ACOT7: variants seen among roughly 807,000 people sequenced by gnomAD.
ACOT7 encodes the protein acyl-CoA thioesterase 7.
ACOT7 carries 12 observed loss-of-function variants against 40.2 expected under a neutral mutation model. The observed-to-expected ratio is 0.30, with a 90% CI of 0.19 to 0.48. The LOEUF is 0.48. Ranked by LOEUF, ACOT7 falls within the 20% of genes least tolerant of loss-of-function variation. The pLI is 0.99. For synonymous variants in ACOT7, 228 were observed against 219.5 expected, an observed-to-expected ratio of 1.04 and a Z score of -0.34; for missense variants, 395 against 530.8, an observed-to-expected ratio of 0.74 and a Z score of 2.51.
At chr1:6,290,021 G>T (rs1044904466) in intron 7 of ACOT7, among the ~76,000 whole-genome samples, 1 of 152,198 alleles carries the variant, frequency 6.6e-6, no homozygotes, top group Non-Finnish European at 1.5e-5. Context: ...ATTGTTCTGG[G>T]GTACCCGGGT....
At chr1:6,303,374 C>T (rs1242791035) in intron 6 of ACOT7, among the ~76,000 whole-genome samples, 4 of 151,930 alleles carry the variant, frequency 2.6e-5, no homozygotes, top group Non-Finnish European at 5.9e-5. Context: ...ACGTTAGGTA[C>T]CAAAGGTATT....
intron 6 of ACOT7, among the ~76,000 whole-genome samples, chr1:6,309,040 C>T (rs989928062): frequency 3.3e-5 from 5 of 152,260 alleles, no homozygotes; most frequent in South Asian, 4.1e-4. Flanking sequence ...CAGTCATGTT[C>T]GCCCTGTCGG....
At chr1:6,298,524 C>T (rs1639876203) in intron 6 of ACOT7, among the ~76,000 whole-genome samples, 1 of 152,178 alleles carries the variant, frequency 6.6e-6, no homozygotes, top group Non-Finnish European at 1.5e-5. Context: ...AGAAAGAGTG[C>T]AGGTGAAATA....
In ACOT7 at chr1:6,301,286, C is replaced by T. The variant is rs1487318637; in HGVS notation, c.713-6306G>A. Among the ~76,000 whole-genome samples the T allele has an allele frequency of 6.6e-6, 1 of 152,254 alleles. No homozygotes were observed. Among genetic ancestry groups the T allele is most frequent in the Non-Finnish European group, 1.5e-5 (1 of 68,048 alleles). On this transcript the variant is annotated intron_variant, in intron 6 of 8. Transcript: ENST00000361521. This position sits in a 1 kb window ranked among gnomAD's most constrained non-coding sequence, Gnocchi z 4.1. ...GAGAATAAATGGAAGGAGTTGTAAT[C>T]AGCTCCTTCAAACCGGGGTTTGCCC...
At chr1:6,284,928 C>A (rs1254093256) in intron 7 of ACOT7, among the ~76,000 whole-genome samples, 1 of 152,252 alleles carries the variant, frequency 6.6e-6, no homozygotes, top group Non-Finnish European at 1.5e-5. Context: ...TCGGCTCAAG[C>A]ATCCCTTCTC....
chr1:6,340,160 G>T (rs1395999564), intron 2 of ACOT7, among the ~76,000 whole-genome samples: 1 of 152,076 alleles, frequency 6.6e-6, no homozygotes, highest in Non-Finnish European at 1.5e-5. Context: ...TAGAGACGGG[G>T]TTTCTCCATG....
chr1:6,381,263 A>G (rs1335579090), intron 1 of ACOT7, among the ~76,000 whole-genome samples: 1 of 151,934 alleles, frequency 6.6e-6, no homozygotes, highest in East Asian at 1.9e-4. Context: ...CACATAATAT[A>G]TACACCTATA....
At chr1:6,341,599 G>A (rs898610146) in intron 2 of ACOT7, among the ~76,000 whole-genome samples, 10 of 152,234 alleles carry the variant, frequency 6.6e-5, no homozygotes, top group East Asian at 1.9e-4. Flanking sequence ...AAAATTAGCC[G>A]GGTGTGGTGG....
intron 7 of ACOT7, among the ~76,000 whole-genome samples, chr1:6,290,529 C>T (rs78946170): frequency 0.024 from 3,702 of 152,338 alleles, 139 homozygotes; most frequent in African/African-American, 0.086. Context: ...AGTCTACCTG[C>T]AGGCACCTTT....
chr1:6,281,025 C>T, intron 8 of ACOT7, 77 bp downstream of exon 8: 3 of 1,532,462 alleles, frequency 2.0e-6, no homozygotes, highest in Non-Finnish European at 2.6e-6. Context: ...GGCACAGATT[C>T]CCCCTGGAGG....
At chr1:6,339,116 C>T (rs1046037516) in intron 3 of ACOT7, among the ~76,000 whole-genome samples, 6 of 152,288 alleles carry the variant, frequency 3.9e-5, no homozygotes, top group South Asian at 2.1e-4. Context: ...TCACAGCCCG[C>T]GCCCAGCCCC....
At chr1:6,377,861 G>A (rs1642262893) in intron 1 of ACOT7, among the ~76,000 whole-genome samples, 1 of 152,172 alleles carries the variant, frequency 6.6e-6, no homozygotes, top group African/African-American at 2.4e-5. Context: ...ACAAGGTCAG[G>A]AGATCAAGAC....
At chr1:6,336,867 CGAG>C (rs1264226244) in intron 3 of ACOT7, among the ~76,000 whole-genome samples, 3 of 152,098 alleles carry the variant, frequency 2.0e-5, no homozygotes, top group East Asian at 1.9e-4. Context: ...GAAGCACAGA[CGAG>C]GAGATGAGCG....
In ACOT7 at chr1:6,281,171, G is replaced by A. The variant is rs750203670; in HGVS notation, c.945C>T (p.Ala315=). 6.2e-6 allele frequency: 10 copies of A among 1,614,048 alleles called. No homozygotes were observed. The highest frequency in any genetic ancestry group is 3.3e-5 in the South Asian group (3 of 91,096). Residue 315 remains alanine (A), a synonymous_variant, in exon 8 of 9, where the codon GCC becomes GCT. Coordinates refer to ENST00000361521, the MANE Select transcript of ACOT7 (RefSeq NM_007274.4). ...ACACGTAGGTGAAGAAGGCACTGGC[G>A]GCCCGGTAGCGCTTCTGAGAGCTGT... ...VVDSSQKRYR[A]ASAFFTYVSL... is the part of the protein sequence containing the mutation.
rs1248462145 is a variant in ACOT7, at chr1:6,274,409, G to A, written c.1014+6693C>T. On this transcript the variant is annotated intron_variant, in intron 8 of 8. Coordinates refer to ENST00000361521, the MANE Select transcript of ACOT7 (RefSeq NM_007274.4). This position sits in a 1 kb window ranked among gnomAD's most constrained non-coding sequence, Gnocchi z 5.9. ...GCCTTTCAGCTGACTTAAGCCCTGG[G>A]GCCCATCCCGCCCCTCCAGCTGAAC... Among the ~76,000 whole-genome samples, 1 of 152,178 alleles carries A rather than the reference G, an allele frequency of 6.6e-6. No homozygotes were observed. Among genetic ancestry groups the A allele is most frequent in the Admixed American group, 6.5e-5 (1 of 15,272 alleles).
At chr1:6,333,657 C>T (rs776660649) in intron 3 of ACOT7, 89 bp from the exon 4 acceptor site, 2 of 1,315,872 alleles carry the variant, frequency 1.5e-6, no homozygotes, top group East Asian at 4.7e-5. Context: ...TGCTCCAGCG[C>T]CCGGTCCCAG....
At chr1:6,383,850 G>T (rs1042490559) in intron 1 of ACOT7, among the ~76,000 whole-genome samples, 1 of 151,610 alleles carries the variant, frequency 6.6e-6, no homozygotes, top group Non-Finnish European at 1.5e-5. Context: ...GACTACAGGC[G>T]CCCGCCACCA....
In ACOT7 at chr1:6,299,672, G is replaced by GTC. The variant is rs1424114530; in HGVS notation, c.713-4693_713-4692insGA. ...AGAGAGAGAGAGAGCGCAAGTGTGT[G>GTC]TGTGTGTGTGTGTGTGTGTAGGGCA... On this transcript the variant is annotated intron_variant, in intron 6 of 8. Transcript: ENST00000361521. This position sits in a 1 kb window ranked among gnomAD's most constrained non-coding sequence, Gnocchi z 4.1. 1.3e-5 allele frequency among the ~76,000 whole-genome samples: 2 copies of GTC among 152,200 alleles called. No individual in the cohort carries two copies. Among genetic ancestry groups the GTC allele is most frequent in the Middle Eastern group, 3.4e-3 (1 of 292 alleles).
At chr1:6,270,258 T>C (rs1638989237) in intron 8 of ACOT7, among the ~76,000 whole-genome samples, 1 of 152,126 alleles carries the variant, frequency 6.6e-6, no homozygotes, top group Non-Finnish European at 1.5e-5. Context: ...CCCAGCAAAG[T>C]AAATAAATGC....
Sources: allele counts gnomAD v4.1 joint callset (sites outside exome capture counted in the v4.1 genomes callset), GRCh38; gene constraint gnomAD v4.1.1; non-coding constraint Gnocchi (gnomAD v3.1); transcripts MANE v1.5; gene names NCBI Gene and HGNC (gene_info 2026-07-23, HGNC 2026-07-21).